Variants in KDM7A observed in about 807,000 individuals in gnomAD.
KDM7A encodes the protein lysine demethylase 7A.
Under a neutral mutation model 114.8 loss-of-function variants are expected in KDM7A, and 28 were observed. The ratio of observed to expected loss-of-function variants is 0.24; its 90% CI spans 0.18 to 0.33. The LOEUF (loss-of-function observed/expected upper bound fraction) is 0.33. Among genes scored for constraint, KDM7A ranks in the 10% least tolerant of loss-of-function variants. The pLI is 1.00. For synonymous variants in KDM7A, 423 were observed against 397.8 expected, an observed-to-expected ratio of 1.06 and a Z score of -0.75; for missense variants, 942 against 1,142.5, an observed-to-expected ratio of 0.82 and a Z score of 2.53.
At chr7:140,096,127 ATACT>A (rs1301287634) in intron 17 of KDM7A, among the ~76,000 whole-genome samples, 3 of 152,096 alleles carry the variant, frequency 2.0e-5, no homozygotes, top group Non-Finnish European at 4.4e-5. Context: ...TCTTTTCCTA[ATACT>A]TTCTTTTCAA....
rs34421143 is a variant in KDM7A, at chr7:140,171,664, G to A, written c.194+5080C>T. Among the ~76,000 whole-genome samples the A allele has an allele frequency of 7.3e-3, 1,057 of 144,784 alleles. 4 individuals carry two copies. Among genetic ancestry groups the A allele is most frequent in the Non-Finnish European group, 0.011 (744 of 66,554 alleles). 95.0% of individuals were successfully genotyped at this position (144,784 alleles called of 152,430 possible). On this transcript the variant is annotated intron_variant, in intron 1 of 19. Transcript: ENST00000397560. Reference sequence around the variant, plus strand: ...ATTTTATATATATTTATATTTATATGTCCTGAATCTCAGAAACTCCCTCTC... The same window carrying A: ...ATTTTATATATATTTATATTTATATATCCTGAATCTCAGAAACTCCCTCTC...
intron 1 of KDM7A, among the ~76,000 whole-genome samples, chr7:140,172,651 T>C (rs1178738689): frequency 1.3e-5 from 2 of 149,010 alleles, no homozygotes; most frequent in African/African-American, 5.0e-5. Context: ...AAACTCCGTC[T>C]CAAAAAAAAA....
intron 1 of KDM7A, among the ~76,000 whole-genome samples, chr7:140,159,247 T>C (rs913131568): frequency 6.6e-6 from 1 of 152,088 alleles, no homozygotes; most frequent in Non-Finnish European, 1.5e-5. Context: ...CTCAGGAGGC[T>C]GAGGCAGGAG....
rs1337532512 is a variant in KDM7A at position 140,091,653 on chromosome 7, C to T, written c.2731+151G>A. On this transcript the variant is annotated intron_variant, in intron 19 of 19. Transcript: ENST00000397560. Reference sequence around the variant, plus strand: ...GACTTGGGTATCCTTTTTCTTTGTTCCTGTAGTAGCCTGTGTATACTGCCA... The same window carrying T: ...GACTTGGGTATCCTTTTTCTTTGTTTCTGTAGTAGCCTGTGTATACTGCCA... 10 of 839,808 alleles carry T rather than the reference C, an allele frequency of 1.2e-5. No homozygotes were observed. The Admixed American group carries it at 2.0e-4, about 17-fold the overall frequency. The allele number at this position is 839,808 out of a possible 1,614,324, so 52.0% of individuals were successfully genotyped here.
At chr7:140,091,702 G>A in intron 19 of KDM7A, 102 bp downstream of exon 19, 1 of 1,263,160 alleles carries the variant, frequency 7.9e-7, no homozygotes, top group Non-Finnish European at 1.1e-6. Context: ...TACTATGCAT[G>A]AGATGTTGAA....
chr7:140,155,401 G>GCAC (rs1794447882), intron 1 of KDM7A, among the ~76,000 whole-genome samples: 1 of 152,202 alleles, frequency 6.6e-6, no homozygotes, highest in Non-Finnish European at 1.5e-5. Flanking sequence ...GTATAATCTA[G>GCAC]CACCACAAGC....
At chr7:140,159,039 T>C (rs1458981599) in intron 1 of KDM7A, among the ~76,000 whole-genome samples, 5 of 152,192 alleles carry the variant, frequency 3.3e-5, no homozygotes, top group African/African-American at 1.2e-4. Context: ...TGTTTGTTTG[T>C]TTGTTTCTTT....
At chr7:140,160,502 G>T (rs966894985) in intron 1 of KDM7A, among the ~76,000 whole-genome samples, 4 of 152,166 alleles carry the variant, frequency 2.6e-5, no homozygotes, top group Non-Finnish European at 4.4e-5. Flanking sequence ...ATAAGCACAG[G>T]ACAGACAGTC....
chr7:140,165,898 C>T (rs1794569381), intron 1 of KDM7A, among the ~76,000 whole-genome samples: 1 of 152,084 alleles, frequency 6.6e-6, no homozygotes, highest in Non-Finnish European at 1.5e-5. Context: ...ACAATTCTAT[C>T]TATAAAATTG....
intron 9 of KDM7A, among the ~76,000 whole-genome samples, chr7:140,117,998 T>C (rs1388993631): frequency 6.6e-6 from 1 of 152,256 alleles, no homozygotes; most frequent in African/African-American, 2.4e-5. Context: ...TTTATCATTT[T>C]AGTTCTGTAC....
chr7:140,134,077 T>C (rs908702424), intron 2 of KDM7A, among the ~76,000 whole-genome samples: 3 of 152,230 alleles, frequency 2.0e-5, no homozygotes, highest in African/African-American at 7.2e-5. Flanking sequence ...TCTATTCTAA[T>C]AGCATCATTC....
chr7:140,103,792 G>A (rs1818279257), intron 11 of KDM7A, among the ~76,000 whole-genome samples: 1 of 152,170 alleles, frequency 6.6e-6, no homozygotes, highest in Non-Finnish European at 1.5e-5. Context: ...TGTCTTTATA[G>A]CAGCATGACT....
At chr7:140,100,699 TATATATATACAC>T in intron 12 of KDM7A, among the ~76,000 whole-genome samples, 1 of 35,242 alleles carries the variant, frequency 2.8e-5, no homozygotes, top group Non-Finnish European at 6.4e-5. Flanking sequence ...CATATATATA[TATATATATACAC>T]ATATATATAT....
chr7:140,174,888 T>G (rs1372885264), intron 1 of KDM7A, among the ~76,000 whole-genome samples: 1 of 152,238 alleles, frequency 6.6e-6, no homozygotes, highest in African/African-American at 2.4e-5. Context: ...GTGCTGGGAT[T>G]ACAGGCGTGA....
chr7:140,158,233 T>C (rs1478412612), intron 1 of KDM7A, among the ~76,000 whole-genome samples: 1 of 152,172 alleles, frequency 6.6e-6, no homozygotes, highest in Non-Finnish European at 1.5e-5. Context: ...AAGTATTGAC[T>C]TACAACTTAC....
In KDM7A at chr7:140,176,601, G is replaced by T; in HGVS notation, c.194+143C>A. The T allele has an allele frequency of 2.0e-6, 1 of 496,668 alleles. No individual in the cohort carries two copies. The highest frequency in any genetic ancestry group is 2.6e-6 in the Non-Finnish European group (1 of 384,474). The allele number at this position is 496,668 out of a possible 1,614,324, so 30.8% of individuals were successfully genotyped here. On this transcript the variant is annotated intron_variant, in intron 1 of 19. Coordinates refer to ENST00000397560, the MANE Select transcript of KDM7A (RefSeq NM_030647.2). This position sits in a 1 kb window ranked among gnomAD's most constrained non-coding sequence, Gnocchi z 4.4. ...GGGGCACCGCGCGCCCCACTGCCCG[G>T]CCGGGGGGCTAGGCACCGGGGCCCC...
chr7:140,141,390 A>G (rs1794273153), intron 1 of KDM7A, among the ~76,000 whole-genome samples: 3 of 152,090 alleles, frequency 2.0e-5, no homozygotes, highest in South Asian at 2.1e-4. Context: ...TCTACCAAGT[A>G]TCAAGACTTA....
intron 1 of KDM7A, among the ~76,000 whole-genome samples, chr7:140,145,845 A>G (rs1052757542): frequency 6.6e-6 from 1 of 152,226 alleles, no homozygotes; most frequent in Non-Finnish European, 1.5e-5. Context: ...CTAAACCAGC[A>G]TATCATAAAC....
intron 9 of KDM7A, among the ~76,000 whole-genome samples, chr7:140,115,560 C>T (rs1818513276): frequency 6.6e-6 from 1 of 152,070 alleles, no homozygotes; most frequent in Non-Finnish European, 1.5e-5. Flanking sequence ...AAGGGCGGTG[C>T]AAGATGTGCT....
Sources: allele counts gnomAD v4.1 joint callset (sites outside exome capture counted in the v4.1 genomes callset), GRCh38; gene constraint gnomAD v4.1.1; non-coding constraint Gnocchi (gnomAD v3.1); transcripts MANE v1.5; gene names NCBI Gene and HGNC (gene_info 2026-07-23, HGNC 2026-07-21).